ULK4: variants seen among roughly 807,000 people sequenced by gnomAD.
ULK4 encodes the protein unc-51 like kinase 4.
Under a neutral mutation model 160.6 loss-of-function variants are expected in ULK4, and 133 were observed. The observed-to-expected ratio is 0.83, with a 90% CI of 0.72 to 0.96. ULK4 has a LOEUF of 0.96. Among genes scored for constraint, ULK4 ranks in the 40% least tolerant of loss-of-function variants. The pLI is 0.00. For missense variants in ULK4, 1,580 were observed against 1,499.5 expected (o/e 1.05, Z -0.89); for synonymous variants, 534 against 539.8 (o/e 0.99, Z 0.15).
chr3:41,862,277 T>C (rs535340565), intron 17 of ULK4, among the ~76,000 whole-genome samples: 2 of 152,366 alleles, frequency 1.3e-5, no homozygotes, highest in East Asian at 3.9e-4. Flanking sequence ...ATTTATCTGA[T>C]AGAATTCTAA....
chr3:41,793,103 G>A (rs2125595403), intron 20 of ULK4, among the ~76,000 whole-genome samples: 1 of 152,038 alleles, frequency 6.6e-6, no homozygotes, highest in East Asian at 1.9e-4. Context: ...AAACCAGAAG[G>A]CGGAGGTTGC....
At chr3:41,835,162 A>G (rs1575797312) in intron 18 of ULK4, among the ~76,000 whole-genome samples, 1 of 151,968 alleles carries the variant, frequency 6.6e-6, no homozygotes, top group Non-Finnish European at 1.5e-5. Flanking sequence ...GTGAGCCATG[A>G]TCATGCTATC....
intron 32 of ULK4, among the ~76,000 whole-genome samples, chr3:41,488,830 G>A (rs1374077633): frequency 1.3e-5 from 2 of 152,158 alleles, no homozygotes. Flanking sequence ...TAAAGTGCTG[G>A]CTTTGCTTGC....
chr3:41,494,247 C>T (rs1264215470), intron 32 of ULK4, among the ~76,000 whole-genome samples: 1 of 112,152 alleles, frequency 8.9e-6, no homozygotes, highest in Non-Finnish European at 2.0e-5. Flanking sequence ...AAGTGGGCTT[C>T]ATCCCTGGGA....
intron 31 of ULK4, among the ~76,000 whole-genome samples, chr3:41,568,316 C>A (rs2087854977): frequency 1.3e-5 from 2 of 152,164 alleles, no homozygotes; most frequent in Admixed American, 1.3e-4. Flanking sequence ...AATGCTAGAG[C>A]AAGCAAAGCA....
chr3:41,909,677 T>TC (rs2148801262), intron 11 of ULK4, among the ~76,000 whole-genome samples: 1 of 152,152 alleles, frequency 6.6e-6, no homozygotes, highest in South Asian at 2.1e-4. Context: ...ATCATGCCAC[T>TC]GCACTCCAGC....
chr3:41,785,877 G>A (rs978013477), intron 21 of ULK4, among the ~76,000 whole-genome samples: 1 of 152,132 alleles, frequency 6.6e-6, no homozygotes, highest in Non-Finnish European at 1.5e-5. Context: ...CCTGCTGGCT[G>A]TGCTCCAACT....
At chr3:41,842,149 AAAAAG>A (rs1330427354) in intron 17 of ULK4, among the ~76,000 whole-genome samples, 2 of 151,320 alleles carry the variant, frequency 1.3e-5, no homozygotes, top group East Asian at 1.9e-4. Context: ...CAAAAAAAAA[AAAAAG>A]AAAATAACGC....
intron 34 of ULK4, among the ~76,000 whole-genome samples, chr3:41,449,314 T>C (rs531140210): frequency 1.2e-4 from 18 of 152,264 alleles, no homozygotes; most frequent in African/African-American, 4.1e-4. Flanking sequence ...CCTCTTGCCT[T>C]GGCCTTCTAA....
chr3:41,913,202 C>T (rs911409547), intron 8 of ULK4: 5 of 197,460 alleles, frequency 2.5e-5, no homozygotes, highest in Non-Finnish European at 5.0e-5. Context: ...AAAACGGAGT[C>T]GATAAATAAT....
chr3:41,460,643 G>A (rs776436870), intron 33 of ULK4, among the ~76,000 whole-genome samples: 3 of 152,074 alleles, frequency 2.0e-5, no homozygotes, highest in Non-Finnish European at 4.4e-5. Context: ...TCCATGCACC[G>A]GGATGTAGAA....
chr3:41,848,107 G>A (rs1029540751), intron 17 of ULK4, among the ~76,000 whole-genome samples: 3 of 152,114 alleles, frequency 2.0e-5, no homozygotes, highest in African/African-American at 7.2e-5. Flanking sequence ...TCTGTAATTG[G>A]CATCTAACTC....
chr3:41,715,700 T>C (rs1160076244), intron 23 of ULK4, 132 bp from the exon 24 acceptor site: 2 of 1,180,966 alleles, frequency 1.7e-6, no homozygotes, highest in Non-Finnish European at 2.3e-6. Flanking sequence ...GATATACTTA[T>C]TCACAAGTAC....
intron 11 of ULK4, 130 bp downstream of exon 11, chr3:41,911,187 G>A (rs895369920): frequency 1.2e-5 from 10 of 852,424 alleles, no homozygotes; most frequent in African/African-American, 1.0e-4. Context: ...ATTGGAGAGT[G>A]AAACTGGCAT....
At chr3:41,953,945 A>G (rs955178228) in intron 2 of ULK4, among the ~76,000 whole-genome samples, 2 of 152,062 alleles carry the variant, frequency 1.3e-5, no homozygotes, top group African/African-American at 4.8e-5. Flanking sequence ...GCACTTTGGG[A>G]GGCCAAGGTG....
chr3:41,400,073 T>C (rs1322476440), intron 34 of ULK4, among the ~76,000 whole-genome samples: 2 of 152,194 alleles, frequency 1.3e-5, no homozygotes, highest in South Asian at 4.1e-4. Context: ...TAGGTTCACA[T>C]GCAGTTGTAA....
intron 34 of ULK4, among the ~76,000 whole-genome samples, chr3:41,403,723 A>G (rs1324805188): frequency 6.6e-6 from 1 of 152,054 alleles, no homozygotes; most frequent in Non-Finnish European, 1.5e-5. Context: ...TTTGTCTATA[A>G]GCTTTTGGTG....
chr3:41,794,314 T>C (rs897529902), intron 20 of ULK4, among the ~76,000 whole-genome samples: 3 of 152,164 alleles, frequency 2.0e-5, no homozygotes, highest in Non-Finnish European at 4.4e-5. Context: ...ATCTACCATG[T>C]GCCCAGAAAA....
At position 41,470,107 on chromosome 3, in the gene ULK4, A is replaced by T. The variant is rs1369015889; in HGVS notation, c.3227-6854T>A. On this transcript the variant is annotated intron_variant, in intron 32 of 36. Coordinates refer to ENST00000301831, the MANE Select transcript of ULK4 (RefSeq NM_017886.4). The stretch of plus-strand genomic sequence containing the variant: ...TCTTTTAATTTAGGGATAGATGCCA[A>T]CATTCAGGTAGAGGAAGCACAGAGG... Among the ~76,000 whole-genome samples, 8 of 151,670 alleles carry T rather than the reference A, an allele frequency of 5.3e-5. No homozygotes were observed. The East Asian group carries it at 1.4e-3, about 26-fold the overall frequency.
Sources: gnomAD v4.1 joint callset for allele counts (sites outside exome capture counted in the v4.1 genomes callset) on GRCh38, gnomAD v4.1.1 for gene constraint, MANE v1.5 for transcripts, NCBI Gene and HGNC (gene_info 2026-07-23, HGNC 2026-07-21) for gene names.